Variants in KRABD4 observed in about 807,000 individuals in gnomAD.
KRABD4 encodes the protein KRAB domain containing 4, also known as KRAB domain-containing protein 4.
chrX:46,455,780 C>T, the KRABD4 span: 1 of 376,221 alleles, frequency 2.7e-6, no homozygotes, highest in Non-Finnish European at 4.9e-6. Flanking sequence ...TGCTGAGTTT[C>T]AAAGTACTGA....
chrX:46,449,943 G>C, the KRABD4 span, among the ~76,000 whole-genome samples: 33 of 110,962 alleles, frequency 3.0e-4, no homozygotes, highest in African/African-American at 1.0e-3. Context: ...TTTTTGTAGA[G>C]ATGGGGTTTC....
chrX:46,470,898 GTTTGT>G, the KRABD4 span, among the ~76,000 whole-genome samples: 2 of 110,754 alleles, frequency 1.8e-5, no homozygotes, highest in African/African-American at 6.6e-5. Context: ...ATTTGTACAA[GTTTGT>G]TTTAAGACCC....
chrX:46,455,875 T>C, the KRABD4 span: 1 of 331,031 alleles, frequency 3.0e-6, no homozygotes, highest in South Asian at 3.4e-5. Flanking sequence ...TAACATATGA[T>C]GAGGCAAAAG....
the KRABD4 span, among the ~76,000 whole-genome samples, chrX:46,468,478 A>T: frequency 9.0e-6 from 1 of 110,795 alleles, no homozygotes; most frequent in Non-Finnish European, 1.9e-5. Context: ...CAGTGAGCCA[A>T]GACCGCACTG....
chrX:46,472,925 C>T, the KRABD4 span: 39 of 1,209,839 alleles, frequency 3.2e-5, no homozygotes, highest in Middle Eastern at 2.3e-4. Flanking sequence ...GGCAAAGACT[C>T]CCTAAATATT....
At chrX:46,469,002 G>A in the KRABD4 span, among the ~76,000 whole-genome samples, 25,280 of 111,230 alleles carry the variant, frequency 0.23, 2,672 homozygotes, top group Middle Eastern at 0.35. Context: ...AATATATAAT[G>A]TAAACATTCT....
At chrX:46,455,007 A>T in the KRABD4 span, 3 of 324,089 alleles carry the variant, frequency 9.3e-6, no homozygotes, top group South Asian at 3.9e-5. Context: ...ACTCAGTCTT[A>T]CTTACTTCAT....
chrX:46,462,687 A>T, the KRABD4 span: 1 of 1,210,626 alleles, frequency 8.3e-7, no homozygotes. Context: ...TGTGCGTGAG[A>T]TGCCATGTCC....
chrX:46,457,779 G>C, the KRABD4 span, among the ~76,000 whole-genome samples: 1 of 109,553 alleles, frequency 9.1e-6, no homozygotes, highest in African/African-American at 3.3e-5. Context: ...GAGTTTCGCT[G>C]TGTCACCCAG....
chrX:46,463,117 C>T, the KRABD4 span: 1 of 1,066,962 alleles, frequency 9.4e-7, no homozygotes, highest in Non-Finnish European at 1.3e-6. Flanking sequence ...GGGGCCATCA[C>T]CTTCAGCCTG....
the KRABD4 span, among the ~76,000 whole-genome samples, chrX:46,459,400 G>A: frequency 3.4e-4 from 38 of 110,964 alleles, no homozygotes; most frequent in African/African-American, 1.2e-3. Flanking sequence ...TCTGAATTTG[G>A]GGATTGCTTA....
the KRABD4 span, chrX:46,454,984 T>C: frequency 3.6e-6 from 1 of 277,500 alleles, no homozygotes; most frequent in Non-Finnish European, 6.4e-6. Context: ...CTCTAGAGAG[T>C]CTTCACATAA....
the KRABD4 span, among the ~76,000 whole-genome samples, chrX:46,468,745 A>C: frequency 3.5e-4 from 39 of 112,023 alleles, no homozygotes; most frequent in Non-Finnish European, 3.8e-4. Flanking sequence ...ATAAGTTACT[A>C]TCAAATATTC....
At chrX:46,462,518 AAAAAG>A in the KRABD4 span, 24 of 485,433 alleles carry the variant, frequency 4.9e-5, no homozygotes, top group African/African-American at 2.0e-4. Context: ...TCAAAAAAAA[AAAAAG>A]AAAGAAAGGC....
the KRABD4 span, chrX:46,456,895 C>G: frequency 2.9e-6 from 1 of 339,160 alleles, no homozygotes; most frequent in East Asian, 6.2e-5. Flanking sequence ...AGTAAGTCAT[C>G]TTTCTTACTG....
chrX:46,474,580 G>A, the KRABD4 span: 648 of 111,474 alleles, frequency 5.8e-3, 7 homozygotes, highest in African/African-American at 0.02. Flanking sequence ...TTTCGCCTTC[G>A]GTTGATGTAA....
At chrX:46,451,241 T>C in the KRABD4 span, among the ~76,000 whole-genome samples, 1 of 112,253 alleles carries the variant, frequency 8.9e-6, no homozygotes, top group Non-Finnish European at 1.9e-5. Context: ...TCGTCAGAGA[T>C]GCCCACTGTT....
chrX:46,455,259 C>G, the KRABD4 span: 2 of 948,482 alleles, frequency 2.1e-6, no homozygotes, highest in Admixed American at 5.4e-5. Context: ...ATTCTTCATG[C>G]TCGTGCTTCT....
At chrX:46,467,978 C>A in the KRABD4 span, among the ~76,000 whole-genome samples, 1 of 110,680 alleles carries the variant, frequency 9.0e-6, no homozygotes, top group Non-Finnish European at 1.9e-5. Context: ...TTTTTGTGTC[C>A]TCTTTAGCAA....
Sources: gnomAD v4.1 joint callset for allele counts (sites outside exome capture counted in the v4.1 genomes callset) on GRCh38, gnomAD v4.1.1 for gene constraint, MANE v1.5 for transcripts, NCBI Gene and HGNC (gene_info 2026-07-23, HGNC 2026-07-21) for gene names.